SYT14: variants seen among roughly 807,000 people sequenced by gnomAD.
SYT14 encodes synaptotagmin-14.
Under a neutral mutation model 74.2 loss-of-function variants are expected in SYT14, and 32 were observed. The ratio of observed to expected loss-of-function variants is 0.43; its 90% confidence interval spans 0.33 to 0.58. The LOEUF (loss-of-function observed/expected upper bound fraction) is 0.58, where lower values mean the gene tolerates loss of function less well. Among genes scored for constraint, SYT14 ranks in the 20% least tolerant of loss-of-function variants. SYT14 has a pLI of 0.05. For missense variants in SYT14, 791 were observed against 981.8 expected (o/e 0.81, Z 2.60); for synonymous variants, 298 against 337.7 (o/e 0.88, Z 1.29).
intron 5 of SYT14, among the ~76,000 whole-genome samples, chr1:210,046,952 GT>G (rs1034851594): frequency 2.0e-5 from 3 of 152,118 alleles, no homozygotes; most frequent in African/African-American, 7.2e-5. Flanking sequence ...AGAGGAAACT[GT>G]AAAATTATAT....
intron 2 of SYT14, among the ~76,000 whole-genome samples, chr1:209,962,524 G>A (rs553615074): frequency 2.0e-5 from 3 of 152,072 alleles, no homozygotes; most frequent in Non-Finnish European, 2.9e-5. Context: ...TGGAGATCAT[G>A]GAGCTATATT....
chr1:210,130,400 C>T (rs2082650278), intron 7 of SYT14, among the ~76,000 whole-genome samples: 1 of 151,908 alleles, frequency 6.6e-6, no homozygotes, highest in Admixed American at 6.6e-5. Flanking sequence ...TTGTATGTAA[C>T]CTAGAGTATT....
chr1:210,066,069 T>C (rs1035899607), intron 5 of SYT14, among the ~76,000 whole-genome samples: 1 of 151,566 alleles, frequency 6.6e-6, no homozygotes, highest in Non-Finnish European at 1.5e-5. Context: ...TCATTTTTTA[T>C]GGCTGCATAG....
At chr1:210,155,726 T>C in exon 8 of SYT14, 1 of 1,614,120 alleles carries the variant, frequency 6.2e-7, no homozygotes, top group Non-Finnish European at 8.5e-7. Context: ...TACAGGGCTG[T>C]GACTCCCAAA....
chr1:210,050,317 A>G (rs1415017332), intron 5 of SYT14, among the ~76,000 whole-genome samples: 2 of 152,168 alleles, frequency 1.3e-5, no homozygotes, highest in East Asian at 1.9e-4. Flanking sequence ...CTGGTTCTCA[A>G]CAAGTTCCTC....
At chr1:210,029,713 C>T (rs1295964902) in intron 5 of SYT14, among the ~76,000 whole-genome samples, 1 of 152,090 alleles carries the variant, frequency 6.6e-6, no homozygotes, top group Non-Finnish European at 1.5e-5. Flanking sequence ...AGCTATGTTT[C>T]TCTTTTTCAG....
intron 7 of SYT14, among the ~76,000 whole-genome samples, chr1:210,128,486 C>T (rs192433324): frequency 1.1e-4 from 16 of 152,036 alleles, no homozygotes; most frequent in East Asian, 1.9e-4. Flanking sequence ...TTTATTTTTC[C>T]TTTCATCTTC....
At chr1:210,155,587 C>G in intron 7 of SYT14, 134 bp from the exon 7 acceptor site, 1 of 906,300 alleles carries the variant, frequency 1.1e-6, no homozygotes, top group African/African-American at 1.7e-5. Flanking sequence ...GACAATAATT[C>G]TAATCTGGTG....
chr1:209,990,435 A>G (rs1183860411), intron 2 of SYT14, among the ~76,000 whole-genome samples: 2 of 143,704 alleles, frequency 1.4e-5, no homozygotes, highest in Non-Finnish European at 1.6e-5. Flanking sequence ...TAAAAATCTC[A>G]CATCTTAATA....
chr1:210,036,365 T>C (rs929430428), intron 5 of SYT14, among the ~76,000 whole-genome samples: 2 of 152,038 alleles, frequency 1.3e-5, no homozygotes, highest in Non-Finnish European at 2.9e-5. Context: ...CATAAGATTA[T>C]ATCATCAGCA....
In SYT14 at chr1:210,136,771, A is replaced by G. The variant is rs2082794871; in HGVS notation, c.2035-18950A>G. On this transcript the variant is annotated intron_variant, in intron 7 of 9. Transcript: ENST00000637265. ...GTAGCCTCTGGTGGTGCCGAGGCCC[A>G]ATAAATAATAGTGAGACTGGGAGGG... is the stretch of plus-strand genomic sequence containing the variant. 1.3e-5 allele frequency among the ~76,000 whole-genome samples: 2 copies of G among 152,196 alleles called. 1 individual carries two copies. The highest frequency in any genetic ancestry group is 4.1e-4 in the South Asian group (2 of 4,830).
At chr1:209,953,951 A>G (rs2078952518) in intron 2 of SYT14, among the ~76,000 whole-genome samples, 1 of 152,184 alleles carries the variant, frequency 6.6e-6, no homozygotes, top group South Asian at 2.1e-4. Context: ...AGACAAATTT[A>G]TGCATTGTTT....
intron 2 of SYT14, among the ~76,000 whole-genome samples, chr1:209,962,305 T>C (rs2079088669): frequency 6.6e-6 from 1 of 151,904 alleles, no homozygotes; most frequent in Admixed American, 6.6e-5. Context: ...TTCTAGACAC[T>C]ACTGTTAAGG....
chr1:209,970,662 CTTTT>C (rs35639848), intron 2 of SYT14, among the ~76,000 whole-genome samples: 2 of 62,792 alleles, frequency 3.2e-5, no homozygotes, highest in Non-Finnish European at 5.7e-5. Flanking sequence ...GGCAGTATGG[CTTTT>C]TTTTTTTTTT....
intron 5 of SYT14, among the ~76,000 whole-genome samples, chr1:210,070,984 A>G (rs907112305): frequency 9.4e-5 from 14 of 148,560 alleles, no homozygotes; most frequent in African/African-American, 3.0e-4. Flanking sequence ...CAGACTAAAC[A>G]TTCACTGTGA....
chr1:210,082,131 A>G (rs1171920433), intron 5 of SYT14, among the ~76,000 whole-genome samples: 1 of 152,212 alleles, frequency 6.6e-6, no homozygotes, highest in Non-Finnish European at 1.5e-5. Context: ...CATCTAAGAA[A>G]GAGTTAAACT....
At chr1:210,070,690 C>T (rs1382330512) in intron 5 of SYT14, among the ~76,000 whole-genome samples, 1 of 152,050 alleles carries the variant, frequency 6.6e-6, no homozygotes, top group Admixed American at 6.6e-5. Context: ...AAGACAGGTA[C>T]ACTTGGAGTT....
At chr1:210,125,879 A>C (rs2082559130) in intron 7 of SYT14, among the ~76,000 whole-genome samples, 1 of 152,228 alleles carries the variant, frequency 6.6e-6, no homozygotes, top group East Asian at 1.9e-4. Context: ...ATAATGTCTA[A>C]GAATAATTAC....
intron 1 of SYT14, among the ~76,000 whole-genome samples, chr1:209,944,470 A>G (rs943253026): frequency 4.6e-5 from 7 of 152,208 alleles, no homozygotes; most frequent in Non-Finnish European, 7.4e-5. Context: ...GAGATACCAT[A>G]TTTAGCATGC....
Sources: gnomAD v4.1 joint callset for allele counts (sites outside exome capture counted in the v4.1 genomes callset) on GRCh38, gnomAD v4.1.1 for gene constraint, MANE v1.5 for transcripts, NCBI Gene and HGNC (gene_info 2026-07-23, HGNC 2026-07-21) for gene names.